The following LYPD6 variants were observed in gnomAD, a reference collection of about 807,000 sequenced individuals.
The protein encoded by LYPD6 is ly6/PLAUR domain-containing protein 6.
Under a neutral mutation model 22.7 loss-of-function variants are expected in LYPD6, and 15 were observed. The observed-to-expected ratio is 0.66, with a 90% confidence interval of 0.44 to 1.02. LYPD6 has a LOEUF of 1.02. LYPD6 is among the 50% of genes least tolerant of loss of function. The pLI, the probability that LYPD6 is intolerant of heterozygous loss-of-function variation, is 0.00. For synonymous variants in LYPD6, 72 were observed against 77.5 expected (o/e 0.93, Z 0.37); for missense variants, 189 against 208.4 (o/e 0.91, Z 0.57).
intron 1 of LYPD6, among the ~76,000 whole-genome samples, chr2:149,349,458 A>T (rs1449478673): frequency 2.0e-5 from 3 of 152,142 alleles, no homozygotes; most frequent in Non-Finnish European, 2.9e-5. Context: ...AGGAGAGGGC[A>T]TTTTGGTTAA....
chr2:149,420,471 T>C (rs1683054225), intron 1 of LYPD6, among the ~76,000 whole-genome samples: 1 of 152,140 alleles, frequency 6.6e-6, no homozygotes, highest in African/African-American at 2.4e-5. Context: ...CTCAAGACAT[T>C]TTCTCTTTTG....
intron 1 of LYPD6, among the ~76,000 whole-genome samples, chr2:149,359,536 A>C (rs1681529264): frequency 1.3e-5 from 2 of 152,126 alleles, no homozygotes; most frequent in Admixed American, 1.3e-4. Flanking sequence ...CTCGTATCCC[A>C]GCCTTCTGCT....
At chr2:149,458,101 C>G (rs1354521836) in intron 3 of LYPD6, among the ~76,000 whole-genome samples, 1 of 152,202 alleles carries the variant, frequency 6.6e-6, no homozygotes, top group African/African-American at 2.4e-5. Context: ...CAATCCCATA[C>G]CAGCAGAGGC....
intron 1 of LYPD6, among the ~76,000 whole-genome samples, chr2:149,375,223 A>G (rs111850298): frequency 4.6e-4 from 70 of 152,346 alleles, no homozygotes; most frequent in African/African-American, 1.6e-3. Context: ...ATTTTTCATC[A>G]GCGTAAATGA....
intron 1 of LYPD6, among the ~76,000 whole-genome samples, chr2:149,428,487 G>C (rs1683233456): frequency 4.6e-5 from 7 of 152,280 alleles, no homozygotes; most frequent in Admixed American, 4.6e-4. Context: ...CTCCATGATG[G>C]GAGGAACATG....
chr2:149,443,084 A>G (rs866674823), intron 2 of LYPD6, among the ~76,000 whole-genome samples: 6 of 152,312 alleles, frequency 3.9e-5, no homozygotes, highest in Middle Eastern at 3.4e-3. Context: ...ATTTCAATAT[A>G]CTTTGGGTTC....
intron 1 of LYPD6, among the ~76,000 whole-genome samples, chr2:149,374,303 T>C (rs1227543509): frequency 1.3e-5 from 2 of 152,190 alleles, no homozygotes; most frequent in African/African-American, 2.4e-5. Context: ...GTCTGGAGTT[T>C]AGGAAGTGTT....
At chr2:149,466,485 C>A (rs565241189) in intron 3 of LYPD6, among the ~76,000 whole-genome samples, 2 of 152,130 alleles carry the variant, frequency 1.3e-5, no homozygotes, top group Non-Finnish European at 2.9e-5. Context: ...GCACTGATCT[C>A]CCTTCTACCC....
intron 1 of LYPD6, among the ~76,000 whole-genome samples, chr2:149,354,124 G>A (rs1681408494): frequency 6.6e-6 from 1 of 152,176 alleles, no homozygotes; most frequent in Non-Finnish European, 1.5e-5. Flanking sequence ...TGGTGGATAA[G>A]GCATGAGAGG....
chr2:149,447,266 C>T (rs1013029256), intron 2 of LYPD6, among the ~76,000 whole-genome samples: 1 of 152,240 alleles, frequency 6.6e-6, no homozygotes. Context: ...CCTTGGGTGC[C>T]CGCGACAGCC....
chr2:149,484,029 A>G, the LYPD6 span, among the ~76,000 whole-genome samples: 11 of 152,202 alleles, frequency 7.2e-5, no homozygotes, highest in Non-Finnish European at 1.2e-4. Context: ...TGAGGCTCAA[A>G]AGAGATCATG....
intron 1 of LYPD6, among the ~76,000 whole-genome samples, chr2:149,397,026 T>C (rs1286298583): frequency 6.6e-6 from 1 of 152,250 alleles, no homozygotes; most frequent in Non-Finnish European, 1.5e-5. Context: ...ACAATGTAAA[T>C]GCTATGCAAA....
intron 3 of LYPD6, among the ~76,000 whole-genome samples, chr2:149,453,425 A>T (rs1200576055): frequency 6.6e-6 from 1 of 152,236 alleles, no homozygotes; most frequent in Non-Finnish European, 1.5e-5. Context: ...AGCCAAAGAC[A>T]TTATGTTCCT....
chr2:149,470,591 T>C, intron 4 of LYPD6, 92 bp from the exon 5 acceptor site: 1 of 1,087,624 alleles, frequency 9.2e-7, no homozygotes, highest in Non-Finnish European at 1.4e-6. Flanking sequence ...TTTACTTGCA[T>C]CTTGCCATGT....
At chr2:149,364,322 A>G (rs1357993026) in intron 1 of LYPD6, among the ~76,000 whole-genome samples, 2 of 152,144 alleles carry the variant, frequency 1.3e-5, no homozygotes, top group Admixed American at 6.5e-5. Flanking sequence ...TTTAATTGCT[A>G]ATTGTCTGCT....
intron 3 of LYPD6, among the ~76,000 whole-genome samples, chr2:149,461,199 A>G (rs548087136): frequency 3.2e-4 from 48 of 152,062 alleles, no homozygotes; most frequent in African/African-American, 1.1e-3. Context: ...AACATATACA[A>G]TTTTTTTCAA....
chr2:149,402,891 G>A (rs1377107520), intron 1 of LYPD6, among the ~76,000 whole-genome samples: 3 of 76,482 alleles, frequency 3.9e-5, no homozygotes, highest in East Asian at 6.9e-4. Context: ...TCCCCCAACC[G>A]CACAACAGTC....
At chr2:149,336,338 AT>A (rs1681033913) in intron 1 of LYPD6, among the ~76,000 whole-genome samples, 1 of 152,220 alleles carries the variant, frequency 6.6e-6, no homozygotes, top group South Asian at 2.1e-4. Flanking sequence ...AGGAAGAAAA[AT>A]AATAGAAGAT....
At chr2:149,340,036 T>G (rs1424143454) in intron 1 of LYPD6, among the ~76,000 whole-genome samples, 1 of 152,214 alleles carries the variant, frequency 6.6e-6, no homozygotes, top group African/African-American at 2.4e-5. Context: ...ATTGTCCTAC[T>G]ATTTCTGCCT....
Sources: gnomAD v4.1 joint callset for allele counts (sites outside exome capture counted in the v4.1 genomes callset) on GRCh38, gnomAD v4.1.1 for gene constraint, MANE v1.5 for transcripts, NCBI Gene and HGNC (gene_info 2026-07-23, HGNC 2026-07-21) for gene names.